Variants in NKAIN3 observed in about 807,000 individuals in gnomAD.
NKAIN3 encodes sodium/potassium-transporting ATPase subunit beta-1-interacting protein 3.
NKAIN3 carries 25 observed loss-of-function variants against 30.2 expected under a neutral mutation model. That is an observed-to-expected ratio of 0.83 (90% CI 0.60 to 1.16). The LOEUF is 1.16. Among genes scored for constraint, NKAIN3 ranks in the 50% most tolerant of loss-of-function variants. The pLI is 0.00. For synonymous variants in NKAIN3, 91 were observed against 89.6 expected, an observed-to-expected ratio of 1.02 and a Z score of -0.09; for missense variants, 225 against 254.1, an observed-to-expected ratio of 0.89 and a Z score of 0.78.
rs866470627 is a variant in NKAIN3, at chr8:62,357,896, G to A, written c.54+108769G>A. On this transcript the variant is annotated intron_variant, in intron 1 of 6. Transcript: ENST00000623646. Reference sequence around the variant, plus strand: ...TTTATATTTAAAATTGTTTTTAGATGATAACATATCACCTTATCTTTCTCT... The same window carrying A: ...TTTATATTTAAAATTGTTTTTAGATAATAACATATCACCTTATCTTTCTCT... 1.8e-4 allele frequency among the ~76,000 whole-genome samples: 28 copies of A among 152,134 alleles called. 1 individual carries two copies. Among genetic ancestry groups the A allele is most frequent in the Middle Eastern group, 6.3e-3 (2 of 316 alleles).
intron 4 of NKAIN3, among the ~76,000 whole-genome samples, chr8:62,906,107 A>G (rs970318547): frequency 1.3e-5 from 2 of 152,188 alleles, no homozygotes; most frequent in Non-Finnish European, 2.9e-5. Flanking sequence ...GCATCCATCA[A>G]GGCCCAAGAG....
At chr8:62,496,117 A>T (rs1244918908) in intron 1 of NKAIN3, among the ~76,000 whole-genome samples, 2 of 152,166 alleles carry the variant, frequency 1.3e-5, no homozygotes, top group African/African-American at 2.4e-5. Flanking sequence ...TCTTTTAATG[A>T]TGTGCATCAT....
chr8:62,675,876 T>C (rs1813461131), intron 3 of NKAIN3, among the ~76,000 whole-genome samples: 1 of 152,220 alleles, frequency 6.6e-6, no homozygotes, highest in Non-Finnish European at 1.5e-5. Context: ...AGTTTGCTTT[T>C]AAATTAGAAA....
intron 4 of NKAIN3, among the ~76,000 whole-genome samples, chr8:62,859,268 A>G (rs1170536107): frequency 2.0e-5 from 3 of 152,084 alleles, no homozygotes; most frequent in Non-Finnish European, 2.9e-5. Flanking sequence ...TTCCCTGACC[A>G]ATCCCACTGT....
intron 5 of NKAIN3, among the ~76,000 whole-genome samples, chr8:62,923,331 A>G (rs1208038873): frequency 6.6e-6 from 1 of 152,154 alleles, no homozygotes; most frequent in Non-Finnish European, 1.5e-5. Flanking sequence ...TCTCAAAAAA[A>G]AAATAAGAAA....
At chr8:62,964,528 G>GAC (rs1823649760) in intron 6 of NKAIN3, among the ~76,000 whole-genome samples, 1 of 106,300 alleles carries the variant, frequency 9.4e-6, no homozygotes, top group Admixed American at 1.1e-4. Flanking sequence ...GAGAAAGAGA[G>GAC]AGAGAGAGAG....
Position 62,609,097 on chromosome 8 carries a change from T to C in NKAIN3, c.273+19303T>C, listed in dbSNP as rs559357238. On this transcript the variant is annotated intron_variant, in intron 3 of 6. Transcript: ENST00000623646. ...CCTGAGCAGCCTCTTGCTGCTCAGG[T>C]CAGGCTATAATGATTTCGACTTGAT... Among the ~76,000 whole-genome samples, 9 of 152,232 alleles carry C rather than the reference T, an allele frequency of 5.9e-5. No homozygotes were observed. In the East Asian group the frequency reaches 1.7e-3, roughly 29 times the overall value.
chr8:62,452,505 CA>C (rs1805673980), intron 1 of NKAIN3, among the ~76,000 whole-genome samples: 1 of 151,962 alleles, frequency 6.6e-6, no homozygotes. Flanking sequence ...AATAAACAAA[CA>C]AACAAACAAA....
At position 62,940,934 on chromosome 8, in the gene NKAIN3, G is replaced by GA. The variant is rs200290938; in HGVS notation, c.533-12957dup. Among the ~76,000 whole-genome samples, 453 of 142,660 alleles carry GA rather than the reference G, an allele frequency of 3.2e-3. 2 individuals carry two copies. Among genetic ancestry groups the GA allele is most frequent in the East Asian group, 0.02 (100 of 4,930 alleles). 93.6% of individuals were successfully genotyped at this position (142,660 alleles called of 152,430 possible). A position where few individuals can be genotyped will look rare whatever the true frequency, so the allele number is the denominator to read the frequency against. ...TGATCAGAGCAGAACCAAATATATT[G>GA]AAAAAAAAAAATACAAAAGATAAGT... On this transcript the variant is annotated intron_variant, in intron 5 of 6. Coordinates refer to ENST00000623646, the MANE Select transcript of NKAIN3 (RefSeq NM_001304533.3).
At chr8:62,570,779 T>A (rs372779843) in intron 1 of NKAIN3, among the ~76,000 whole-genome samples, 1 of 152,076 alleles carries the variant, frequency 6.6e-6, no homozygotes, top group Non-Finnish European at 1.5e-5. Flanking sequence ...CAATCATGCC[T>A]TTCCAACAGG....
chr8:62,736,903 A>G (rs1398668157), intron 3 of NKAIN3, among the ~76,000 whole-genome samples: 1 of 152,002 alleles, frequency 6.6e-6, no homozygotes, highest in Non-Finnish European at 1.5e-5. Context: ...CTAGCCCTAT[A>G]TTTTCCTCAG....
chr8:62,906,293 A>G (rs1442400662), intron 4 of NKAIN3, among the ~76,000 whole-genome samples: 1 of 152,184 alleles, frequency 6.6e-6, no homozygotes, highest in Non-Finnish European at 1.5e-5. Flanking sequence ...TTTCTCTTAG[A>G]AGTTACTTAA....
At chr8:62,664,104 C>T (rs1430143870) in intron 3 of NKAIN3, among the ~76,000 whole-genome samples, 1 of 152,044 alleles carries the variant, frequency 6.6e-6, no homozygotes, top group Non-Finnish European at 1.5e-5. Context: ...ACCTCTATTT[C>T]CTGGTAGATC....
chr8:62,634,840 AC>A (rs1294976603), intron 3 of NKAIN3, among the ~76,000 whole-genome samples: 2 of 152,156 alleles, frequency 1.3e-5, no homozygotes, highest in African/African-American at 4.8e-5. Flanking sequence ...TGGCCTTGGA[AC>A]AGCATGGTGA....
At chr8:62,801,486 G>A (rs1484539099) in intron 4 of NKAIN3, among the ~76,000 whole-genome samples, 2 of 152,192 alleles carry the variant, frequency 1.3e-5, no homozygotes, top group Admixed American at 6.5e-5. Flanking sequence ...TGCAGCCACC[G>A]CTGCTGATAC....
intron 4 of NKAIN3, among the ~76,000 whole-genome samples, chr8:62,873,935 A>G (rs1472954896): frequency 6.6e-6 from 1 of 152,174 alleles, no homozygotes; most frequent in African/African-American, 2.4e-5. Flanking sequence ...CTAGCAAGGC[A>G]AGAACAAACA....
At chr8:62,350,544 T>C (rs1216557405) in intron 1 of NKAIN3, among the ~76,000 whole-genome samples, 2 of 152,244 alleles carry the variant, frequency 1.3e-5, no homozygotes, top group African/African-American at 2.4e-5. Flanking sequence ...CCAACGGTGG[T>C]GATGGCTGCA....
intron 5 of NKAIN3, among the ~76,000 whole-genome samples, chr8:62,953,327 C>A (rs1823335576): frequency 6.6e-6 from 1 of 152,068 alleles, no homozygotes; most frequent in Non-Finnish European, 1.5e-5. Context: ...AGGCTTTGAT[C>A]AAAACCAAAA....
intron 4 of NKAIN3, among the ~76,000 whole-genome samples, chr8:62,772,269 A>C (rs1408617946): frequency 1.5e-4 from 23 of 152,176 alleles, no homozygotes; most frequent in Admixed American, 1.5e-3. Flanking sequence ...ATAGTACACC[A>C]TTGTGTATGT....
Sources: gnomAD v4.1 joint callset for allele counts (sites outside exome capture counted in the v4.1 genomes callset) on GRCh38, gnomAD v4.1.1 for gene constraint, MANE v1.5 for transcripts, NCBI Gene and HGNC (gene_info 2026-07-23, HGNC 2026-07-21) for gene names.